The following SPECC1 variants were observed in gnomAD, a reference collection of about 807,000 sequenced individuals.
The protein encoded by SPECC1 is cytospin-B.
SPECC1 carries 62 observed loss-of-function variants against 104.1 expected under a neutral mutation model. The ratio of observed to expected loss-of-function variants is 0.60; its 90% confidence interval spans 0.49 to 0.74. The LOEUF (loss-of-function observed/expected upper bound fraction) is 0.74, where lower values mean the gene tolerates loss of function less well. Ranked by LOEUF, SPECC1 falls within the 30% of genes least tolerant of loss-of-function variation. The pLI is 0.00. For synonymous variants in SPECC1, 513 were observed against 501.6 expected, an observed-to-expected ratio of 1.02 and a Z score of -0.30; for missense variants, 1,306 against 1,310.5, an observed-to-expected ratio of 1.00 and a Z score of 0.05.
At chr17:20,292,782 G>A (rs928643263) in intron 12 of SPECC1, among the ~76,000 whole-genome samples, 2 of 152,220 alleles carry the variant, frequency 1.3e-5, no homozygotes, top group African/African-American at 2.4e-5. Flanking sequence ...AGGCTTTTAC[G>A]TAATGCTGGT....
chr17:20,094,333 G>A (rs1464222479), intron 1 of SPECC1, among the ~76,000 whole-genome samples: 1 of 152,202 alleles, frequency 6.6e-6, no homozygotes, highest in African/African-American at 2.4e-5. Context: ...AAAGGAGGCT[G>A]CGTGTTCGTC....
At chr17:20,226,073 A>G (rs996716730) in intron 4 of SPECC1, among the ~76,000 whole-genome samples, 3 of 152,328 alleles carry the variant, frequency 2.0e-5, no homozygotes, top group Non-Finnish European at 4.4e-5. Flanking sequence ...TGTAATTGGA[A>G]AAAAATTTCA....
intron 1 of SPECC1, among the ~76,000 whole-genome samples, chr17:20,010,945 T>C (rs1197648786): frequency 6.6e-6 from 1 of 152,236 alleles, no homozygotes; most frequent in Non-Finnish European, 1.5e-5. Context: ...ATCATGTAGA[T>C]TTTCGTCTTA....
At chr17:20,021,700 A>ATTTTTT (rs1373881239) in intron 1 of SPECC1, among the ~76,000 whole-genome samples, 9 of 101,612 alleles carry the variant, frequency 8.9e-5, no homozygotes, top group African/African-American at 2.2e-4. Flanking sequence ...ATATATATAT[A>ATTTTTT]TATTTTTTTG....
rs369631020 is a variant in SPECC1, at chr17:20,238,549, A to C, written c.2351+6144A>C. On this transcript the variant is annotated intron_variant, in intron 7 of 14. Coordinates refer to ENST00000395527, the MANE Select transcript of SPECC1 (RefSeq NM_001243439.2). ...ACAGGAATGCTCTTTAAACTCAGGA[A>C]GATCTTTTGGGGTGTCAAACTGGAC... is the stretch of plus-strand genomic sequence containing the variant. 13 of 1,042,742 alleles carry C rather than the reference A, an allele frequency of 1.2e-5. No homozygotes were observed. The East Asian group carries it at 5.2e-4, about 41-fold the overall frequency. 64.6% of individuals were successfully genotyped at this position (1,042,742 alleles called of 1,614,324 possible).
chr17:20,226,103 A>AC (rs1479607829), intron 4 of SPECC1, among the ~76,000 whole-genome samples: 2 of 152,110 alleles, frequency 1.3e-5, no homozygotes, highest in South Asian at 4.1e-4. Context: ...AAGAAACCCC[A>AC]CCCCCAGCGC....
At chr17:20,049,664 G>A (rs1567812421) in intron 1 of SPECC1, among the ~76,000 whole-genome samples, 1 of 152,110 alleles carries the variant, frequency 6.6e-6, no homozygotes, top group Non-Finnish European at 1.5e-5. Flanking sequence ...TTTTAGGCAT[G>A]TAGAAAGATT....
chr17:20,215,093 C>CCT (rs1181286626), intron 4 of SPECC1, among the ~76,000 whole-genome samples: 5 of 152,264 alleles, frequency 3.3e-5, no homozygotes, highest in African/African-American at 4.8e-5. Context: ...GATCCGGGAG[C>CCT]CTCTGCCCTT....
intron 3 of SPECC1, among the ~76,000 whole-genome samples, chr17:20,144,175 C>CTTTTTTTTTTTT (rs1168474738): frequency 2.1e-5 from 2 of 94,408 alleles, no homozygotes; most frequent in African/African-American, 4.8e-5. Context: ...TTTTTCTTTT[C>CTTTTTTTTTTTT]TTTTTTTTTT....
chr17:20,031,659 A>G (rs2152442699), intron 1 of SPECC1, among the ~76,000 whole-genome samples: 1 of 152,220 alleles, frequency 6.6e-6, no homozygotes, highest in East Asian at 1.9e-4. Flanking sequence ...CAATAACTCC[A>G]CGTTACTCCC....
At chr17:20,253,968 ATTG>A (rs1387545159) in intron 10 of SPECC1, among the ~76,000 whole-genome samples, 1 of 151,944 alleles carries the variant, frequency 6.6e-6, no homozygotes, top group Non-Finnish European at 1.5e-5. Context: ...TGCCTGGCAT[ATTG>A]TTTTTTAACT....
intron 4 of SPECC1, among the ~76,000 whole-genome samples, chr17:20,226,377 T>C (rs2038205635): frequency 6.6e-6 from 1 of 152,156 alleles, no homozygotes. Context: ...TGCAGAATAA[T>C]ACAGATACAG....
intron 3 of SPECC1, among the ~76,000 whole-genome samples, chr17:20,159,802 A>G (rs1431596522): frequency 6.6e-6 from 1 of 152,228 alleles, no homozygotes; most frequent in Non-Finnish European, 1.5e-5. Flanking sequence ...GGTCCTAGTT[A>G]ACAGTCCTTC....
At chr17:20,207,904 A>T (rs2036888517) in intron 4 of SPECC1, among the ~76,000 whole-genome samples, 1 of 152,146 alleles carries the variant, frequency 6.6e-6, no homozygotes, top group Non-Finnish European at 1.5e-5. Flanking sequence ...ACTTGTTTCT[A>T]CTTTTATCTT....
intron 9 of SPECC1, among the ~76,000 whole-genome samples, chr17:20,248,388 A>G (rs920373046): frequency 3.9e-5 from 6 of 152,156 alleles, no homozygotes; most frequent in African/African-American, 1.2e-4. Flanking sequence ...GATGGAGTTG[A>G]GTGAGCCCGT....
At chr17:20,248,322 A>T (rs1471785778) in intron 9 of SPECC1, among the ~76,000 whole-genome samples, 1 of 152,060 alleles carries the variant, frequency 6.6e-6, no homozygotes, top group Non-Finnish European at 1.5e-5. Flanking sequence ...TGCCAAGTAC[A>T]CCCTTTAGCT....
intron 1 of SPECC1, among the ~76,000 whole-genome samples, chr17:20,025,095 T>C (rs1348847819): frequency 6.6e-6 from 1 of 152,138 alleles, no homozygotes; most frequent in Admixed American, 6.5e-5. Flanking sequence ...ACTTTGTGCA[T>C]AGCAATTGGC....
intron 13 of SPECC1, among the ~76,000 whole-genome samples, chr17:20,302,780 G>A (rs2041630937): frequency 1.4e-5 from 2 of 148,072 alleles, no homozygotes; most frequent in Admixed American, 1.3e-4. Flanking sequence ...GCGGTGCCAG[G>A]CGTTGTGGCA....
intron 7 of SPECC1, among the ~76,000 whole-genome samples, chr17:20,233,642 A>G (rs1266365071): frequency 6.6e-6 from 1 of 152,210 alleles, no homozygotes; most frequent in Non-Finnish European, 1.5e-5. Context: ...CTGACTAACT[A>G]GGACTACACA....
Sources: allele counts gnomAD v4.1 joint callset (sites outside exome capture counted in the v4.1 genomes callset), GRCh38; gene constraint gnomAD v4.1.1; transcripts MANE v1.5; gene names NCBI Gene and HGNC (gene_info 2026-07-23, HGNC 2026-07-21).